GRM8: variants seen among roughly 807,000 people sequenced by gnomAD.
GRM8 encodes glutamate metabotropic receptor 8, also known as metabotropic glutamate receptor 8.
GRM8 carries 47 observed loss-of-function variants against 87.2 expected under a neutral mutation model. That is an observed-to-expected ratio of 0.54 (90% CI 0.43 to 0.69). GRM8 has a LOEUF of 0.69. Among genes scored for constraint, GRM8 ranks in the 30% least tolerant of loss-of-function variants. The pLI is 0.00. For missense variants in GRM8, 1,019 were observed against 1,139.2 expected (o/e 0.89, Z 1.52); for synonymous variants, 396 against 404.5 (o/e 0.98, Z 0.25).
chr7:126,875,113 A>G (rs1328527662), intron 6 of GRM8, among the ~76,000 whole-genome samples: 1 of 152,138 alleles, frequency 6.6e-6, no homozygotes. Context: ...AACTCAAGAT[A>G]CTTCAAACTA....
chr7:126,892,012 C>G (rs1470008718), intron 6 of GRM8, among the ~76,000 whole-genome samples: 2 of 72,956 alleles, frequency 2.7e-5, no homozygotes, highest in Admixed American at 2.0e-4. Context: ...AGCTCATGTT[C>G]TTGCAGGGTA....
rs189930797 is a variant in GRM8 at position 126,625,303 on chromosome 7, G to A, written c.1358-15805C>T. Among the ~76,000 whole-genome samples the A allele has an allele frequency of 1.3e-3, 200 of 152,112 alleles. 6 individuals are homozygous for A. The highest frequency in any genetic ancestry group is 0.013 in the Admixed American group (197 of 15,276). ...TGTAATCATTCTTCAGAATTGCACTGGATAAGTATCCATGTTTATTTACCT... is the reference window on the plus strand; with the variant it reads ...TGTAATCATTCTTCAGAATTGCACTAGATAAGTATCCATGTTTATTTACCT... On this transcript the variant is annotated intron_variant, in intron 7 of 10. Coordinates refer to ENST00000339582, the MANE Select transcript of GRM8 (RefSeq NM_000845.3).
At chr7:127,178,959 A>T (rs569599282) in intron 2 of GRM8, among the ~76,000 whole-genome samples, 5 of 152,292 alleles carry the variant, frequency 3.3e-5, no homozygotes, top group African/African-American at 9.6e-5. Context: ...AAGCAAAAAA[A>T]TCAAAGCATA....
At chr7:127,133,747 G>C (rs1450705687) in intron 2 of GRM8, among the ~76,000 whole-genome samples, 1 of 147,792 alleles carries the variant, frequency 6.8e-6, no homozygotes. Flanking sequence ...ATACAAACAA[G>C]ATAAACTGGC....
At chr7:127,070,917 T>C (rs1821617022) in intron 3 of GRM8, among the ~76,000 whole-genome samples, 1 of 152,180 alleles carries the variant, frequency 6.6e-6, no homozygotes, top group Non-Finnish European at 1.5e-5. Flanking sequence ...TTGGAAATAT[T>C]ATAATCCTGC....
chr7:127,078,657 C>T (rs909181770), intron 3 of GRM8, among the ~76,000 whole-genome samples: 1 of 152,210 alleles, frequency 6.6e-6, no homozygotes, highest in Non-Finnish European at 1.5e-5. Context: ...GGATATCAAC[C>T]TGAGAAGATG....
chr7:126,564,980 C>T (rs1364844138), intron 8 of GRM8, among the ~76,000 whole-genome samples: 1 of 152,100 alleles, frequency 6.6e-6, no homozygotes, highest in Non-Finnish European at 1.5e-5. Context: ...CAAATAGAAG[C>T]AGAAAGGCAT....
intron 7 of GRM8, among the ~76,000 whole-genome samples, chr7:126,694,265 A>T (rs1184212266): frequency 6.6e-6 from 1 of 152,122 alleles, no homozygotes; most frequent in African/African-American, 2.4e-5. Context: ...TTGCTTTTTA[A>T]TTATTATTGT....
rs17862330 is a variant in GRM8 at position 127,242,356 on chromosome 7, C to T, written c.510+339G>A. 7.3e-3 allele frequency among the ~76,000 whole-genome samples: 1,108 copies of T among 152,140 alleles called. 3 individuals carry two copies. Among genetic ancestry groups the T allele is most frequent in the Non-Finnish European group, 0.012 (809 of 68,020 alleles). ...TTTTCCATGATAAATGCGCTGAGTT[C>T]ATTATTCTCTTCAAAAATGCTTGTT... On this transcript the variant is annotated intron_variant, in intron 2 of 10. Coordinates refer to ENST00000339582, the MANE Select transcript of GRM8 (RefSeq NM_000845.3).
chr7:127,116,113 C>CTCAAG (rs1826683779), intron 2 of GRM8, among the ~76,000 whole-genome samples: 1 of 152,152 alleles, frequency 6.6e-6, no homozygotes, highest in Non-Finnish European at 1.5e-5. Flanking sequence ...AAGACACTGC[C>CTCAAG]ACTCAAAAAA....
At position 126,922,353 on chromosome 7, in the gene GRM8, A is replaced by G. The variant is rs1804616610; in HGVS notation, c.728-17670T>C. On this transcript the variant is annotated intron_variant, in intron 3 of 10. Coordinates refer to ENST00000339582, the MANE Select transcript of GRM8 (RefSeq NM_000845.3). ...TGTATGTGTGTTCATACGCACATCC[A>G]TGTGCAATGTGTGTACTGTGGGGAG... 3.3e-5 allele frequency among the ~76,000 whole-genome samples: 5 copies of G among 152,154 alleles called. No individual in the cohort carries two copies. In the South Asian group the frequency reaches 1.0e-3, roughly 32 times the overall value.
chr7:127,242,755 G>C lies in GRM8; in HGVS notation c.450C>G (p.Val150=), dbSNP rs929663920. 6 of 1,614,196 alleles carry C rather than the reference G, an allele frequency of 3.7e-6. No individual in the cohort carries two copies. Among genetic ancestry groups the C allele is most frequent in the Non-Finnish European group, 5.1e-6 (6 of 1,180,008 alleles). Residue 150 remains valine, a synonymous_variant, in exon 2 of 11, where the codon GTC becomes GTG. Coordinates refer to ENST00000339582, the MANE Select transcript of GRM8 (RefSeq NM_000845.3). ...IFTKPDKISG[V]IGAAASSVSI... is the part of the protein sequence containing the mutation. ...ACACGGAGCTTGCTGCAGCACCTAT[G>C]ACGCCAGAAATCTTGTCGGGCTTGG...
intron 2 of GRM8, among the ~76,000 whole-genome samples, chr7:127,238,319 T>C (rs926264384): frequency 1.1e-4 from 16 of 152,036 alleles, no homozygotes; most frequent in Non-Finnish European, 2.1e-4. Context: ...TGTGTGTGTG[T>C]GTGTGTGTGT....
At chr7:127,047,549 T>G in intron 3 of GRM8, among the ~76,000 whole-genome samples, 1 of 152,036 alleles carries the variant, frequency 6.6e-6, no homozygotes, top group African/African-American at 2.4e-5. Context: ...AGCAATGCAG[T>G]CCAGATGCAG....
intron 6 of GRM8, among the ~76,000 whole-genome samples, chr7:126,865,730 A>C (rs565584488): frequency 6.6e-6 from 1 of 152,324 alleles, no homozygotes; most frequent in Non-Finnish European, 1.5e-5. Context: ...TCATGCTTTC[A>C]AGGTTTATCA....
intron 2 of GRM8, among the ~76,000 whole-genome samples, chr7:127,216,917 A>G (rs1796593582): frequency 6.6e-6 from 1 of 152,188 alleles, no homozygotes; most frequent in South Asian, 2.1e-4. Flanking sequence ...CCTTCCCTAA[A>G]GACCCTGTAA....
Position 126,740,476 on chromosome 7 carries a change from T to C in GRM8, c.1357+29389A>G, listed in dbSNP as rs1814824812. Among the ~76,000 whole-genome samples, 3 of 152,258 alleles carry C rather than the reference T, an allele frequency of 2.0e-5. No homozygotes were observed. In the South Asian group the frequency reaches 6.2e-4, roughly 32 times the overall value. On this transcript the variant is annotated intron_variant, in intron 7 of 10. Transcript: ENST00000339582. Reference sequence around the variant, plus strand: ...TAAAGTCTTGACTAAAATGGTACTTTATGCATAATTTATATAAAATCTTTC... The same window carrying C: ...TAAAGTCTTGACTAAAATGGTACTTCATGCATAATTTATATAAAATCTTTC...
intron 7 of GRM8, among the ~76,000 whole-genome samples, chr7:126,675,544 C>T (rs1451210670): frequency 4.6e-5 from 7 of 152,248 alleles, no homozygotes; most frequent in South Asian, 4.1e-4. Context: ...TAATTCACCA[C>T]GATCAAGTGG....
At chr7:126,855,286 A>C (rs566816334) in intron 6 of GRM8, among the ~76,000 whole-genome samples, 1 of 152,108 alleles carries the variant, frequency 6.6e-6, no homozygotes. Flanking sequence ...CTTTTGGATC[A>C]TCTACATTGT....
Sources: allele counts gnomAD v4.1 joint callset (sites outside exome capture counted in the v4.1 genomes callset), GRCh38; gene constraint gnomAD v4.1.1; transcripts MANE v1.5; gene names NCBI Gene and HGNC (gene_info 2026-07-23, HGNC 2026-07-21).